Variants in GALNT16 observed in about 807,000 individuals in gnomAD.
GALNT16 encodes the protein UDP-GalNAc:polypeptide N-acetylgalactosaminyltransferase-like protein 1.
A neutral mutation model predicts 76.1 loss-of-function variants in GALNT16; 40 were observed. The ratio of observed to expected loss-of-function variants is 0.53; its 90% CI spans 0.41 to 0.68. GALNT16 has a LOEUF of 0.68. Ranked by LOEUF, GALNT16 falls within the 30% of genes least tolerant of loss-of-function variation. The pLI is 0.00. For missense variants in GALNT16, 621 were observed against 731.9 expected, an observed-to-expected ratio of 0.85 and a Z score of 1.75; for synonymous variants, 276 against 285.2, an observed-to-expected ratio of 0.97 and a Z score of 0.32.
rs375675157 is a variant in GALNT16, at chr14:69,326,048, T to C, written c.568+21T>C. The C allele has an allele frequency of 3.8e-6, 6 of 1,599,796 alleles. No homozygotes were observed. In the African/African-American group the frequency reaches 6.7e-5, roughly 18 times the overall value. On this transcript the variant is annotated intron_variant, in intron 5 of 14. Transcript: ENST00000448469. ...GGAAGGTGAGTCCTTGCACCCTGGG[T>C]CCCACCAAGGGCCCATCTTGGTGTC...
chr14:69,380,028 T>C, the GALNT16 span: 1 of 151,912 alleles, frequency 6.6e-6, no homozygotes, highest in Non-Finnish European at 1.5e-5. Flanking sequence ...TCAAATTCTT[T>C]GTGTAGCAGC....
chr14:69,282,317 A>G (rs1033674534), intron 1 of GALNT16, among the ~76,000 whole-genome samples: 2 of 152,066 alleles, frequency 1.3e-5, no homozygotes, highest in Non-Finnish European at 2.9e-5. Flanking sequence ...TGTTCCCTCC[A>G]TGCACTGTGC....
chr14:69,347,314 T>TGGC, intron 13 of GALNT16, 133 bp downstream of exon 13: 1 of 755,992 alleles, frequency 1.3e-6, no homozygotes, highest in Non-Finnish European at 2.1e-6. Flanking sequence ...CAGGGGCCCC[T>TGGC]AGACCCTGCT....
rs149911795 is a variant in GALNT16, at chr14:69,333,524, C to T, written c.891C>T (p.Phe297=). ...CGCCTGTCATAGCTGGAGGAATCTTCGTGATCGACAAGTCCTGGTTTAACC... is the reference window on the plus strand; with the variant it reads ...CGCCTGTCATAGCTGGAGGAATCTTTGTGATCGACAAGTCCTGGTTTAACC... The part of the protein sequence containing the change: ...IRTPVIAGGI[F]VIDKSWFNHL... Residue 297 remains phenylalanine, a synonymous_variant, in exon 9 of 15, where the codon TTC becomes TTT. Transcript: ENST00000448469. This position sits in a 1 kb window ranked among gnomAD's most constrained non-coding sequence, Gnocchi z 4.2. 595 of 1,610,690 alleles carry T rather than the reference C, an allele frequency of 3.7e-4. 1 individual carries two copies. Among genetic ancestry groups the T allele is most frequent in the Non-Finnish European group, 3.9e-4 (460 of 1,177,586 alleles).
chr14:69,360,737 C>T (rs147239644), downstream of GALNT16, among the ~76,000 whole-genome samples: 150 of 152,312 alleles, frequency 9.8e-4, no homozygotes, highest in African/African-American at 3.3e-3. Context: ...CCACTCAGAC[C>T]TACTGAATCA....
chr14:69,352,908 C>T lies in GALNT16; in HGVS notation c.*740C>T, dbSNP rs1454085532. ...CGACGCTGCCTCTTCCGGTCCTGTG[C>T]CTGTGGGTGCCCACATTCTTAGCAA... On this transcript the variant is annotated 3_prime_UTR_variant, in exon 15 of 15. Transcript: ENST00000448469. Among the ~76,000 whole-genome samples, 1 of 152,230 alleles carries T rather than the reference C, an allele frequency of 6.6e-6. No homozygotes were observed. Among genetic ancestry groups the T allele is most frequent in the East Asian group, 1.9e-4 (1 of 5,198 alleles).
At chr14:69,339,780 C>G (rs372104850) in intron 11 of GALNT16, among the ~76,000 whole-genome samples, 161 bp downstream of exon 11, 92 of 152,322 alleles carry the variant, frequency 6.0e-4, no homozygotes, top group African/African-American at 2.2e-3. Flanking sequence ...GGAATGCAAC[C>G]GCAGAGACAA....
chr14:69,286,774 T>C (rs2044618646), intron 1 of GALNT16, among the ~76,000 whole-genome samples: 1 of 152,168 alleles, frequency 6.6e-6, no homozygotes, highest in African/African-American at 2.4e-5. Context: ...AGCTGTATGA[T>C]CAAGCAAATA....
At chr14:69,366,282 T>C in the GALNT16 span, among the ~76,000 whole-genome samples, 1 of 152,158 alleles carries the variant, frequency 6.6e-6, no homozygotes, top group Admixed American at 6.5e-5. Flanking sequence ...CCTCAATCCA[T>C]GATGGCCCCC....
At chr14:69,371,582 G>T in the GALNT16 span, among the ~76,000 whole-genome samples, 2 of 151,964 alleles carry the variant, frequency 1.3e-5, no homozygotes, top group East Asian at 3.9e-4. Flanking sequence ...TATTGCTGGG[G>T]AATACATTTG....
intron 2 of GALNT16, among the ~76,000 whole-genome samples, chr14:69,322,198 T>C (rs115195508): frequency 0.015 from 2,238 of 152,310 alleles, 55 homozygotes; most frequent in African/African-American, 0.052. Flanking sequence ...TACTCCTGCT[T>C]CGCGGCAAGG....
chr14:69,318,935 G>GAACATTCCTTTTGTCCCTCT (rs1283784932), intron 1 of GALNT16, among the ~76,000 whole-genome samples: 5 of 152,246 alleles, frequency 3.3e-5, no homozygotes, highest in Non-Finnish European at 5.9e-5. Context: ...GCCCAAGCCA[G>GAACATTCCTTTTGTCCCTCT]AACATTCCTT....
chr14:69,285,303 C>A (rs1453039906), intron 1 of GALNT16, among the ~76,000 whole-genome samples: 4 of 152,134 alleles, frequency 2.6e-5, no homozygotes, highest in Non-Finnish European at 5.9e-5. Context: ...GGATTGCAGG[C>A]TTGAGCCACT....
intron 1 of GALNT16, among the ~76,000 whole-genome samples, chr14:69,291,992 G>A (rs1399913045): frequency 6.6e-6 from 1 of 152,156 alleles, no homozygotes; most frequent in African/African-American, 2.4e-5. Context: ...ACCCCTCCTG[G>A]GCACAGGCCT....
At chr14:69,347,792 G>A (rs377389075) in intron 13 of GALNT16, 85 bp from the exon 14 acceptor site, 161 of 1,405,188 alleles carry the variant, frequency 1.1e-4, no homozygotes, top group South Asian at 5.0e-4. Flanking sequence ...AAAATATGCC[G>A]TGTTTTTGCT....
chr14:69,310,615 G>T (rs186538716), intron 1 of GALNT16, among the ~76,000 whole-genome samples: 1 of 152,128 alleles, frequency 6.6e-6, no homozygotes, highest in Admixed American at 6.5e-5. Context: ...GTGCAAAACT[G>T]CAATAAATGC....
chr14:69,322,915 T>G (rs1594849970), intron 2 of GALNT16, among the ~76,000 whole-genome samples: 2 of 129,156 alleles, frequency 1.5e-5, no homozygotes, highest in Admixed American at 8.7e-5. Flanking sequence ...AAAGCTGAGG[T>G]GGCTCACGGG....
At position 69,320,137 on chromosome 14, in the gene GALNT16, C is replaced by T. The variant is rs377042573; in HGVS notation, c.178-574C>T. 3.9e-5 allele frequency among the ~76,000 whole-genome samples: 6 copies of T among 152,326 alleles called. No individual in the cohort carries two copies. In the East Asian group the frequency reaches 5.8e-4, roughly 15 times the overall value. On this transcript the variant is annotated intron_variant, in intron 1 of 14. Coordinates refer to ENST00000448469, the MANE Select transcript of GALNT16 (RefSeq NM_001168368.2). ...TGGTTAAGAGCATGGGCTTTGGAGTCGGAATGACCAGTTTAAATCCAGACC... is the reference window on the plus strand; with the variant it reads ...TGGTTAAGAGCATGGGCTTTGGAGTTGGAATGACCAGTTTAAATCCAGACC...
At chr14:69,314,401 C>A (rs2045071261) in intron 1 of GALNT16, among the ~76,000 whole-genome samples, 1 of 152,248 alleles carries the variant, frequency 6.6e-6, no homozygotes, top group Non-Finnish European at 1.5e-5. Flanking sequence ...TGGCCAGTCA[C>A]TTCTATAATT....
Sources: allele counts gnomAD v4.1 joint callset (sites outside exome capture counted in the v4.1 genomes callset), GRCh38; gene constraint gnomAD v4.1.1; non-coding constraint Gnocchi (gnomAD v3.1); transcripts MANE v1.5; gene names NCBI Gene and HGNC (gene_info 2026-07-23, HGNC 2026-07-21).